The following MYRIP variants were observed in gnomAD, a reference collection of about 807,000 sequenced individuals.
MYRIP encodes the protein myosin VIIA and Rab interacting protein.
MYRIP carries 49 observed loss-of-function variants against 98.0 expected under a neutral mutation model. That is an observed-to-expected ratio of 0.50 (90% CI 0.40 to 0.63). The LOEUF (loss-of-function observed/expected upper bound fraction) is 0.63. MYRIP is among the 30% of genes least tolerant of loss of function. MYRIP has a pLI of 0.00. For synonymous variants in MYRIP, 404 were observed against 409.5 expected, an observed-to-expected ratio of 0.99 and a Z score of 0.16; for missense variants, 1,004 against 1,058.2, an observed-to-expected ratio of 0.95 and a Z score of 0.71.
At chr3:40,109,442 G>C (rs1255270367) in intron 3 of MYRIP, among the ~76,000 whole-genome samples, 1 of 152,214 alleles carries the variant, frequency 6.6e-6, no homozygotes, top group African/African-American at 2.4e-5. Context: ...TGGGGCAAAA[G>C]TCTGAAGAGA....
chr3:40,237,123 C>G (rs1952847154), intron 12 of MYRIP, among the ~76,000 whole-genome samples: 1 of 152,136 alleles, frequency 6.6e-6, no homozygotes, highest in Non-Finnish European at 1.5e-5. Context: ...TTGAGGTCAG[C>G]CTGGTCAATA....
At chr3:39,865,660 A>G (rs776022643) in intron 1 of MYRIP, among the ~76,000 whole-genome samples, 4 of 152,194 alleles carry the variant, frequency 2.6e-5, no homozygotes, top group Non-Finnish European at 2.9e-5. Flanking sequence ...GCTATTAAAA[A>G]TGTCAAAAAA....
chr3:40,249,002 G>A (rs1953287432), intron 13 of MYRIP, among the ~76,000 whole-genome samples: 1 of 152,122 alleles, frequency 6.6e-6, no homozygotes, highest in Admixed American at 6.5e-5. Flanking sequence ...TCAGGGGTAG[G>A]GGATGCATCT....
chr3:39,908,942 T>G (rs902065989), intron 2 of MYRIP, among the ~76,000 whole-genome samples: 9 of 152,220 alleles, frequency 5.9e-5, no homozygotes, highest in African/African-American at 2.2e-4. Context: ...TTTGATATTC[T>G]GTACTAACAC....
chr3:40,202,165 A>T (rs1034093180), intron 10 of MYRIP, among the ~76,000 whole-genome samples: 1 of 152,192 alleles, frequency 6.6e-6, no homozygotes. Flanking sequence ...ATCAACAGGA[A>T]TGAGGAGAGC....
chr3:40,252,213 C>T (rs568220249), intron 16 of MYRIP, among the ~76,000 whole-genome samples: 7 of 152,216 alleles, frequency 4.6e-5, no homozygotes, highest in South Asian at 2.1e-4. Context: ...ACACACACAC[C>T]GCCGGTCACC....
intron 2 of MYRIP, among the ~76,000 whole-genome samples, chr3:40,036,343 G>A (rs190205821): frequency 3.2e-3 from 437 of 134,708 alleles, no homozygotes; most frequent in Middle Eastern, 8.8e-3. Flanking sequence ...AAAATGAGCT[G>A]TCAACTTGGA....
chr3:40,121,165 G>A (rs953951489), intron 3 of MYRIP, among the ~76,000 whole-genome samples: 12 of 152,206 alleles, frequency 7.9e-5, no homozygotes, highest in African/African-American at 2.7e-4. Context: ...CGCTAGGGAA[G>A]AGGATGTGCT....
chr3:40,119,535 A>G (rs1212772820), intron 3 of MYRIP, among the ~76,000 whole-genome samples: 2 of 151,478 alleles, frequency 1.3e-5, no homozygotes, highest in African/African-American at 4.9e-5. Context: ...TGGTGAACAC[A>G]GGTGAGCAGG....
chr3:40,222,067 G>A (rs189415001), intron 11 of MYRIP, among the ~76,000 whole-genome samples: 11 of 152,300 alleles, frequency 7.2e-5, no homozygotes, highest in African/African-American at 2.6e-4. Flanking sequence ...AAGAATTCAA[G>A]GGTGAGTGGA....
At chr3:40,156,141 C>T (rs1326256038) in intron 4 of MYRIP, among the ~76,000 whole-genome samples, 2 of 151,630 alleles carry the variant, frequency 1.3e-5, no homozygotes, top group Admixed American at 1.3e-4. Flanking sequence ...ACATTTAAGT[C>T]TTTAATCCAT....
chr3:40,041,197 G>A (rs1189905030), intron 2 of MYRIP, among the ~76,000 whole-genome samples: 2 of 134,396 alleles, frequency 1.5e-5, no homozygotes, highest in Non-Finnish European at 3.2e-5. Context: ...AGGAAATCAT[G>A]TTGGTCAATC....
chr3:40,152,425 CAT>C (rs1210657847), intron 4 of MYRIP, among the ~76,000 whole-genome samples: 1 of 152,152 alleles, frequency 6.6e-6, no homozygotes, highest in Non-Finnish European at 1.5e-5. Flanking sequence ...ATAAAGAAAA[CAT>C]GTGGAAAACC....
intron 12 of MYRIP, among the ~76,000 whole-genome samples, chr3:40,239,655 C>G: frequency 6.7e-6 from 1 of 149,948 alleles, no homozygotes; most frequent in African/African-American, 2.5e-5. Flanking sequence ...TCTCTGATGG[C>G]CAGTGATGAT....
At chr3:39,914,439 A>G (rs895422686) in intron 2 of MYRIP, among the ~76,000 whole-genome samples, 1 of 152,132 alleles carries the variant, frequency 6.6e-6, no homozygotes, top group Non-Finnish European at 1.5e-5. Flanking sequence ...GGTCATTATT[A>G]AAATCCCAGT....
intron 8 of MYRIP, among the ~76,000 whole-genome samples, chr3:40,175,611 T>G (rs1052128861): frequency 6.6e-6 from 1 of 152,228 alleles, no homozygotes; most frequent in Non-Finnish European, 1.5e-5. Flanking sequence ...ACCAGCACCA[T>G]AGCAGGGCCA....
chr3:39,865,606 A>G (rs1005619763), intron 1 of MYRIP, among the ~76,000 whole-genome samples: 1 of 152,230 alleles, frequency 6.6e-6, no homozygotes, highest in Non-Finnish European at 1.5e-5. Context: ...AGAGAAATGC[A>G]CATCAAAACT....
chr3:40,172,865 G>T (rs572259216), intron 8 of MYRIP, among the ~76,000 whole-genome samples: 1 of 152,256 alleles, frequency 6.6e-6, no homozygotes, highest in African/African-American at 2.4e-5. Context: ...ACTGCATCTT[G>T]GGGCTGTCTC....
At chr3:40,006,476 T>C (rs1946638103) in intron 2 of MYRIP, among the ~76,000 whole-genome samples, 1 of 152,082 alleles carries the variant, frequency 6.6e-6, no homozygotes, top group Non-Finnish European at 1.5e-5. Flanking sequence ...ATTCCAGATA[T>C]GTTATATTTA....
Sources: allele counts gnomAD v4.1 joint callset (sites outside exome capture counted in the v4.1 genomes callset), GRCh38; gene constraint gnomAD v4.1.1; transcripts MANE v1.5; gene names NCBI Gene and HGNC (gene_info 2026-07-23, HGNC 2026-07-21).